Variants in LHX8 observed in about 807,000 individuals in gnomAD.
The protein encoded by LHX8 is LIM/homeobox protein Lhx8.
Under a neutral mutation model 40.3 loss-of-function variants are expected in LHX8, and 12 were observed. The observed-to-expected ratio is 0.30, with a 90% CI of 0.19 to 0.48. The LOEUF is 0.48. Among genes scored for constraint, LHX8 ranks in the 20% least tolerant of loss-of-function variants. LHX8 has a pLI of 0.99. For synonymous variants in LHX8, 179 were observed against 162.0 expected, an observed-to-expected ratio of 1.10 and a Z score of -0.80; for missense variants, 344 against 433.7, an observed-to-expected ratio of 0.79 and a Z score of 1.84.
rs1648911119 is a variant in LHX8, at chr1:75,161,249, G to A, written c.*354G>A. ...AATGTTTACAATCTTTTGTGAAATT[G>A]TAGTTTATCATTAGTTTGTATCTGT... is the stretch of plus-strand genomic sequence containing the variant. On this transcript the variant is annotated 3_prime_UTR_variant, in exon 9 of 9. Transcript: ENST00000356261. The A allele has an allele frequency of 8.9e-6, 2 of 225,090 alleles. No individual in the cohort carries two copies. Among genetic ancestry groups the A allele is most frequent in the Non-Finnish European group, 1.8e-5 (2 of 113,006 alleles). 13.9% of individuals were successfully genotyped at this position (225,090 alleles called of 1,614,324 possible).
chr1:75,156,314 T>C (rs1648766198), intron 7 of LHX8, among the ~76,000 whole-genome samples: 1 of 152,114 alleles, frequency 6.6e-6, no homozygotes, highest in Non-Finnish European at 1.5e-5. Flanking sequence ...CAATCTGAGC[T>C]CACTGCAACC....
At chr1:75,130,387 C>T (rs2100321896), upstream of LHX8, 12 of 475,108 alleles carry the variant, frequency 2.5e-5, no homozygotes, top group South Asian at 3.2e-4. Context: ...ACAACTGGCC[C>T]CAGCTGGCGC....
At chr1:75,161,969 A>C (rs997946956), downstream of LHX8, among the ~76,000 whole-genome samples, 2 of 152,158 alleles carry the variant, frequency 1.3e-5, no homozygotes, top group Non-Finnish European at 2.9e-5. Context: ...GTGGACTTAC[A>C]AATTTTTGAA....
At chr1:75,162,252 A>AT (rs34196923), downstream of LHX8, among the ~76,000 whole-genome samples, 43,124 of 147,264 alleles carry the variant, frequency 0.29, 7,300 homozygotes, top group East Asian at 0.74. Flanking sequence ...AAGGGGAGGG[A>AT]TTTTTTTTTT....
At chr1:75,136,146 G>A (rs539648973) in intron 1 of LHX8, among the ~76,000 whole-genome samples, 3 of 152,248 alleles carry the variant, frequency 2.0e-5, no homozygotes, top group Admixed American at 2.0e-4. Context: ...GGTTATTAAA[G>A]AAATCTAGTT....
At chr1:75,191,737 A>T in the LHX8 span, among the ~76,000 whole-genome samples, 1 of 152,248 alleles carries the variant, frequency 6.6e-6, no homozygotes, top group Non-Finnish European at 1.5e-5. Flanking sequence ...TGACCTAAAG[A>T]TAATGGGACT....
chr1:75,134,821 A>ATTTTTTTTTT lies in LHX8; in HGVS notation c.-143_-134dup. The ATTTTTTTTTT allele has an allele frequency of 1.5e-6, 1 of 647,792 alleles. No homozygotes were observed. The highest frequency in any genetic ancestry group is 1.9e-6 in the Non-Finnish European group (1 of 522,772). 40.1% of individuals were successfully genotyped at this position (647,792 alleles called of 1,614,324 possible). ...AACGGCCTCATCTTCAGACCTGGCA[A>ATTTTTTTTTT]TTTTTTTTTTTTATTACGTAGTAGC... On this transcript the variant is annotated 5_prime_UTR_variant, in exon 1 of 9. Coordinates refer to ENST00000356261, the MANE Select transcript of LHX8 (RefSeq NM_001256114.2).
the LHX8 span, among the ~76,000 whole-genome samples, chr1:75,197,333 T>C: frequency 3.9e-5 from 6 of 152,298 alleles, no homozygotes; most frequent in South Asian, 1.2e-3. Flanking sequence ...AAATATATCC[T>C]GATGCTCCAA....
chr1:75,130,664 C>A (rs775620935), upstream of LHX8: 1 of 1,521,650 alleles, frequency 6.6e-7, no homozygotes, highest in East Asian at 2.2e-5. Context: ...AGTCTGGGAC[C>A]GGTAAGTCCC....
At position 75,148,577 on chromosome 1, in the gene LHX8, TAAAC is replaced by T. The variant is rs770730858; in HGVS notation, c.685-7_685-4del. 78 of 1,606,402 alleles carry T rather than the reference TAAAC, an allele frequency of 4.9e-5. No homozygotes were observed. The Middle Eastern group carries it at 1.3e-3, about 27-fold the overall frequency. On this transcript the variant is annotated splice_region_variant and splice_polypyrimidine_tract_variant and intron_variant, in intron 6 of 8. Coordinates refer to ENST00000356261, the MANE Select transcript of LHX8 (RefSeq NM_001256114.2). ...TTAGCTATTTACTACATACATGTTT[TAAAC>T]AACAGGTTATGCAAGCACAATTTGC...
At chr1:75,156,708 C>T (rs1248525237) in intron 7 of LHX8, among the ~76,000 whole-genome samples, 185 bp from the exon 8 acceptor site, 2 of 152,134 alleles carry the variant, frequency 1.3e-5, no homozygotes, top group Non-Finnish European at 2.9e-5. Flanking sequence ...AGAAAAATGA[C>T]CACTGTTATT....
chr1:75,151,824 A>G (rs965012816), intron 7 of LHX8, among the ~76,000 whole-genome samples: 2 of 152,228 alleles, frequency 1.3e-5, no homozygotes, highest in Non-Finnish European at 2.9e-5. Context: ...AGAGCTTTTC[A>G]TATTTGAAGG....
the LHX8 span, among the ~76,000 whole-genome samples, chr1:75,178,712 T>A: frequency 2.0e-5 from 3 of 152,240 alleles, no homozygotes; most frequent in Non-Finnish European, 4.4e-5. Flanking sequence ...TGCCTTCTGC[T>A]AGCTTTTGAA....
intron 7 of LHX8, 47 bp from the exon 8 acceptor site, chr1:75,156,846 A>C: frequency 6.4e-7 from 1 of 1,573,874 alleles, no homozygotes; most frequent in Admixed American, 1.7e-5. Flanking sequence ...TGTGCTCAGA[A>C]GCTGGTGTGT....
At chr1:75,159,074 C>T (rs904500701) in intron 8 of LHX8, among the ~76,000 whole-genome samples, 1 of 152,048 alleles carries the variant, frequency 6.6e-6, no homozygotes, top group African/African-American at 2.4e-5. Context: ...AAGTTTATCT[C>T]TAAGTATTTC....
upstream of LHX8, chr1:75,131,070 G>A (rs1647947368): frequency 1.7e-5 from 7 of 410,500 alleles, no homozygotes; most frequent in Admixed American, 3.5e-5. Context: ...GAAAGCTCGG[G>A]TCCGCAAGAG....
chr1:75,156,222 GTTGTTGTTGTTGTT>G (rs965663091), intron 7 of LHX8, among the ~76,000 whole-genome samples: 2 of 112,866 alleles, frequency 1.8e-5, no homozygotes, highest in Non-Finnish European at 4.1e-5. Context: ...TGTTGTTGTT[GTTGTTGTTGTTGTT>G]TTGTTTTGTT....
At chr1:75,192,006 A>G in the LHX8 span, among the ~76,000 whole-genome samples, 1 of 152,320 alleles carries the variant, frequency 6.6e-6, no homozygotes, top group South Asian at 2.1e-4. Flanking sequence ...AATGTTACAT[A>G]TTTGAATCCT....
the LHX8 span, among the ~76,000 whole-genome samples, chr1:75,183,298 G>T: frequency 6.6e-6 from 1 of 152,046 alleles, no homozygotes; most frequent in African/African-American, 2.4e-5. Flanking sequence ...TTCTACAGAA[G>T]AAGATCACCC....
Sources: gnomAD v4.1 joint callset for allele counts (sites outside exome capture counted in the v4.1 genomes callset) on GRCh38, gnomAD v4.1.1 for gene constraint, MANE v1.5 for transcripts, NCBI Gene and HGNC (gene_info 2026-07-23, HGNC 2026-07-21) for gene names.